EPB41L4A: variants seen among roughly 807,000 people sequenced by gnomAD.
EPB41L4A encodes the protein band 4.1-like protein 4A.
A neutral mutation model predicts 108.6 loss-of-function variants in EPB41L4A; 100 were observed. That is an observed-to-expected ratio of 0.92 (90% CI 0.78 to 1.09). EPB41L4A has a LOEUF of 1.09. Ranked by LOEUF, EPB41L4A falls within the 50% of genes least tolerant of loss-of-function variation. The probability of loss-of-function intolerance (pLI) is 0.00; values close to 1 mark genes in which losing one functional copy is unlikely to be tolerated. For missense variants in EPB41L4A, 1,030 were observed against 842.7 expected (o/e 1.22, Z -2.75); for synonymous variants, 319 against 289.0 (o/e 1.10, Z -1.05).
chr5:112,353,337 A>C (rs1034822502), intron 1 of EPB41L4A, among the ~76,000 whole-genome samples: 4 of 152,244 alleles, frequency 2.6e-5, no homozygotes, highest in African/African-American at 9.6e-5. Context: ...TTGGGCCTCC[A>C]GGCAACTTGC....
At chr5:112,290,454 A>G (rs1318409956) in intron 2 of EPB41L4A, among the ~76,000 whole-genome samples, 3 of 152,194 alleles carry the variant, frequency 2.0e-5, no homozygotes, top group East Asian at 1.9e-4. Flanking sequence ...ATTTCTTCCT[A>G]AAATGAAAAT....
intron 1 of EPB41L4A, among the ~76,000 whole-genome samples, chr5:112,312,789 G>T (rs949274959): frequency 6.6e-6 from 1 of 152,058 alleles, no homozygotes; most frequent in Non-Finnish European, 1.5e-5. Flanking sequence ...TATACACATG[G>T]ATAATTTCAT....
intron 1 of EPB41L4A, among the ~76,000 whole-genome samples, chr5:112,340,173 G>A (rs578222801): frequency 7.9e-5 from 12 of 152,172 alleles, no homozygotes; most frequent in Middle Eastern, 3.4e-3. Context: ...AGGGAGTGAC[G>A]GAAGGAAAGG....
At chr5:112,177,469 A>C (rs1346287432) in intron 18 of EPB41L4A, among the ~76,000 whole-genome samples, 1 of 152,120 alleles carries the variant, frequency 6.6e-6, no homozygotes, top group African/African-American at 2.4e-5. Context: ...CTGCAATCTT[A>C]ACTCCTCTCT....
Position 112,270,744 on chromosome 5 carries a change from G to A in EPB41L4A, c.336-4414C>T, listed in dbSNP as rs933417938. Among the ~76,000 whole-genome samples, 7 of 152,258 alleles carry A rather than the reference G, an allele frequency of 4.6e-5. 1 individual carries two copies. The highest frequency in any genetic ancestry group is 3.9e-4 in the Admixed American group (6 of 15,294). On this transcript the variant is annotated intron_variant, in intron 4 of 22. Coordinates refer to ENST00000261486, the MANE Select transcript of EPB41L4A (RefSeq NM_022140.5). ...AAGCATAGGACTGAAGGTCACACAG[G>A]AAGTGAGGAAGCCAAATAAAACAAA... is the stretch of plus-strand genomic sequence containing the variant.
chr5:112,402,849 A>G (rs915820600), intron 1 of EPB41L4A, among the ~76,000 whole-genome samples: 2 of 152,218 alleles, frequency 1.3e-5, no homozygotes, highest in Non-Finnish European at 2.9e-5. Context: ...TGTTGTTTCA[A>G]TACATAAATA....
intron 1 of EPB41L4A, among the ~76,000 whole-genome samples, chr5:112,381,599 G>A (rs1454451808): frequency 6.6e-6 from 1 of 152,204 alleles, no homozygotes; most frequent in African/African-American, 2.4e-5. Flanking sequence ...AGAATGGATG[G>A]GAAATCTAGA....
intron 1 of EPB41L4A, among the ~76,000 whole-genome samples, chr5:112,346,682 T>C (rs746716305): frequency 3.3e-5 from 5 of 152,220 alleles, no homozygotes; most frequent in African/African-American, 1.2e-4. Flanking sequence ...ATGGCAACCA[T>C]AGACCACACT....
intron 17 of EPB41L4A, among the ~76,000 whole-genome samples, chr5:112,191,629 T>C (rs1761702837): frequency 6.6e-6 from 1 of 151,404 alleles, no homozygotes; most frequent in Admixed American, 6.6e-5. Flanking sequence ...AAACAATATT[T>C]CCATGGAGTG....
chr5:112,267,660 C>T (rs189685024), intron 4 of EPB41L4A, among the ~76,000 whole-genome samples: 37 of 152,252 alleles, frequency 2.4e-4, no homozygotes, highest in Admixed American at 2.4e-3. Flanking sequence ...TCACTCTCTC[C>T]TAAACTTCTA....
At chr5:112,210,620 GAC>G (rs778977558) in intron 12 of EPB41L4A, among the ~76,000 whole-genome samples, 5 of 152,146 alleles carry the variant, frequency 3.3e-5, no homozygotes, top group East Asian at 3.9e-4. Flanking sequence ...GCCCATGGCA[GAC>G]ACAATGTTGG....
intron 1 of EPB41L4A, among the ~76,000 whole-genome samples, chr5:112,332,240 C>CT (rs1429253522): frequency 2.6e-5 from 4 of 152,174 alleles, no homozygotes; most frequent in African/African-American, 7.2e-5. Context: ...CTATTCCTAA[C>CT]TATCATCCCA....
intron 13 of EPB41L4A, chr5:112,205,878 T>A (rs563287707): frequency 3.8e-4 from 76 of 198,094 alleles, no homozygotes; most frequent in Non-Finnish European, 6.4e-4. Context: ...CCTGGCTCCC[T>A]TTTTACAACA....
At chr5:112,393,204 T>A (rs1761069716) in intron 1 of EPB41L4A, among the ~76,000 whole-genome samples, 1 of 152,068 alleles carries the variant, frequency 6.6e-6, no homozygotes, top group East Asian at 1.9e-4. Context: ...AGCAAACACA[T>A]TCAAAAGCTA....
intron 17 of EPB41L4A, among the ~76,000 whole-genome samples, chr5:112,191,855 A>G (rs1330558361): frequency 2.0e-5 from 3 of 152,148 alleles, no homozygotes; most frequent in Non-Finnish European, 4.4e-5. Context: ...CATAGGCTAC[A>G]GTTTCCTAGA....
intron 1 of EPB41L4A, among the ~76,000 whole-genome samples, chr5:112,329,004 A>G (rs1756375181): frequency 6.6e-6 from 1 of 152,214 alleles, no homozygotes; most frequent in African/African-American, 2.4e-5. Flanking sequence ...GAAATGTTTC[A>G]AAGCAACTTG....
Position 112,413,836 on chromosome 5 carries a change from G to C in EPB41L4A, c.99+5105C>G, listed in dbSNP as rs1343190345. The stretch of plus-strand genomic sequence containing the variant: ...CAGTTTCTGCATACCTAGAGGGCAA[G>C]TCACTTGGACTGGCAGGGCTAGATC... On this transcript the variant is annotated intron_variant, in intron 1 of 22. Coordinates refer to ENST00000261486, the MANE Select transcript of EPB41L4A (RefSeq NM_022140.5). 3.3e-5 allele frequency among the ~76,000 whole-genome samples: 5 copies of C among 152,214 alleles called. No homozygotes were observed. In the East Asian group the frequency reaches 9.6e-4, roughly 29 times the overall value.
chr5:112,260,112 CTAGA>C, intron 7 of EPB41L4A, 133 bp from the exon 8 acceptor site: 1 of 671,052 alleles, frequency 1.5e-6, no homozygotes, highest in South Asian at 2.0e-5. Context: ...GCCTAGAAAG[CTAGA>C]TACACTATGA....
chr5:112,234,540 CTG>C (rs1291316767), intron 12 of EPB41L4A, 92 bp downstream of exon 12: 1 of 1,141,112 alleles, frequency 8.8e-7, no homozygotes, highest in African/African-American at 1.6e-5. Flanking sequence ...AATAGAAAGA[CTG>C]TAGAGTTATA....
Sources: gnomAD v4.1 joint callset for allele counts (sites outside exome capture counted in the v4.1 genomes callset) on GRCh38, gnomAD v4.1.1 for gene constraint, MANE v1.5 for transcripts, NCBI Gene and HGNC (gene_info 2026-07-23, HGNC 2026-07-21) for gene names.